LRRC4C: variants seen among roughly 807,000 people sequenced by gnomAD.
LRRC4C encodes leucine rich repeat containing 4C.
LRRC4C carries 5 observed loss-of-function variants against 33.6 expected under a neutral mutation model. That is an observed-to-expected ratio of 0.15 (90% CI 0.08 to 0.31). The LOEUF (loss-of-function observed/expected upper bound fraction) is 0.31. Among genes scored for constraint, LRRC4C ranks in the 10% least tolerant of loss-of-function variants. The pLI is 1.00. For synonymous variants in LRRC4C, 329 were observed against 302.0 expected, an observed-to-expected ratio of 1.09 and a Z score of -0.93; for missense variants, 560 against 796.7, an observed-to-expected ratio of 0.70 and a Z score of 3.58.
At chr11:40,442,968 T>TAGG (rs1355720570) in intron 3 of LRRC4C, among the ~76,000 whole-genome samples, 1 of 152,180 alleles carries the variant, frequency 6.6e-6, no homozygotes, top group Non-Finnish European at 1.5e-5. Context: ...GATGTAAATG[T>TAGG]AGGAGATAAG....
intron 4 of LRRC4C, among the ~76,000 whole-genome samples, chr11:40,318,268 T>TTTA (rs948357382): frequency 7.9e-5 from 12 of 151,962 alleles, no homozygotes; most frequent in Admixed American, 2.0e-4. Flanking sequence ...AATGGTCTAA[T>TTTA]TTATTATTAT....
intron 1 of LRRC4C, among the ~76,000 whole-genome samples, chr11:41,212,050 A>G (rs563207408): frequency 5.9e-5 from 9 of 152,236 alleles, no homozygotes; most frequent in African/African-American, 2.2e-4. Context: ...TTGTTTGTTT[A>G]GTTTATTTAA....
chr11:41,432,711 G>T (rs1032906480), intron 1 of LRRC4C, among the ~76,000 whole-genome samples: 1 of 151,918 alleles, frequency 6.6e-6, no homozygotes, highest in Admixed American at 6.6e-5. Context: ...CTGTCATCAT[G>T]GCCAGTGCTC....
intron 3 of LRRC4C, 97 bp from the exon 4 acceptor site, chr11:40,319,818 A>G (rs945214137): frequency 1.3e-5 from 2 of 152,164 alleles, no homozygotes; most frequent in South Asian, 2.1e-4. Flanking sequence ...CATTCCCTCA[A>G]TATAATTTAG....
chr11:40,211,729 A>C (rs1328122025), intron 5 of LRRC4C, among the ~76,000 whole-genome samples: 2 of 152,216 alleles, frequency 1.3e-5, no homozygotes, highest in Admixed American at 1.3e-4. Context: ...CCAAAATGTC[A>C]GGTAAACATT....
chr11:40,724,823 T>G (rs934407710), intron 2 of LRRC4C, among the ~76,000 whole-genome samples: 1 of 152,216 alleles, frequency 6.6e-6, no homozygotes, highest in African/African-American at 2.4e-5. Flanking sequence ...TTTGAGAGGA[T>G]AAACAAGGTT....
At chr11:40,227,489 T>C (rs1448563001) in intron 5 of LRRC4C, among the ~76,000 whole-genome samples, 1 of 152,176 alleles carries the variant, frequency 6.6e-6, no homozygotes, top group East Asian at 1.9e-4. Context: ...TGTATGTATC[T>C]GGTTCAAAAA....
At chr11:41,139,064 T>C (rs1164063897) in intron 1 of LRRC4C, among the ~76,000 whole-genome samples, 1 of 152,184 alleles carries the variant, frequency 6.6e-6, no homozygotes, top group African/African-American at 2.4e-5. Flanking sequence ...ATGGAACAGC[T>C]GCATTTATTA....
At chr11:41,136,975 C>T (rs901843792) in intron 1 of LRRC4C, among the ~76,000 whole-genome samples, 3 of 151,812 alleles carry the variant, frequency 2.0e-5, no homozygotes, top group Non-Finnish European at 2.9e-5. Context: ...AGGCTGGGTG[C>T]GGCAACTCAC....
chr11:40,434,589 T>C (rs979196861), intron 3 of LRRC4C, among the ~76,000 whole-genome samples: 1 of 152,214 alleles, frequency 6.6e-6, no homozygotes, highest in Non-Finnish European at 1.5e-5. Context: ...CCCATGATTT[T>C]CAACACAATC....
intron 1 of LRRC4C, among the ~76,000 whole-genome samples, chr11:41,040,031 G>A (rs551887889): frequency 9.2e-5 from 14 of 151,552 alleles, no homozygotes; most frequent in Non-Finnish European, 1.2e-4. Context: ...ACAGCTACTC[G>A]GGAGGCTGAG....
intron 4 of LRRC4C, among the ~76,000 whole-genome samples, chr11:40,267,439 C>A (rs1008874707): frequency 2.0e-5 from 3 of 152,154 alleles, no homozygotes; most frequent in African/African-American, 7.2e-5. Flanking sequence ...GCAAGCTCTG[C>A]CTCCCTGGTT....
intron 3 of LRRC4C, among the ~76,000 whole-genome samples, chr11:40,354,016 G>A (rs1229758918): frequency 6.6e-6 from 1 of 152,122 alleles, no homozygotes; most frequent in Non-Finnish European, 1.5e-5. Context: ...AGTATTCAAA[G>A]GTACTTGAGT....
intron 1 of LRRC4C, among the ~76,000 whole-genome samples, chr11:41,299,012 C>T (rs1446563994): frequency 6.6e-6 from 1 of 152,020 alleles, no homozygotes; most frequent in African/African-American, 2.4e-5. Context: ...TGTATATATA[C>T]CACATTTTCT....
intron 1 of LRRC4C, among the ~76,000 whole-genome samples, chr11:41,299,067 C>G (rs1014656478): frequency 6.6e-6 from 1 of 152,080 alleles, no homozygotes; most frequent in Non-Finnish European, 1.5e-5. Flanking sequence ...TCTTTGCTAT[C>G]GTGAATAGTG....
At chr11:41,214,735 G>T (rs1044907978) in intron 1 of LRRC4C, among the ~76,000 whole-genome samples, 13 of 147,338 alleles carry the variant, frequency 8.8e-5, no homozygotes, top group African/African-American at 3.0e-4. Flanking sequence ...GGGCGACAGA[G>T]CCAGACTCCA....
At chr11:40,240,082 A>G (rs1470288810) in intron 5 of LRRC4C, among the ~76,000 whole-genome samples, 1 of 152,200 alleles carries the variant, frequency 6.6e-6, no homozygotes, top group Non-Finnish European at 1.5e-5. Flanking sequence ...ATATTCTGGC[A>G]TCAATATTTC....
At chr11:40,603,892 C>T (rs1213689881) in intron 3 of LRRC4C, among the ~76,000 whole-genome samples, 3 of 152,106 alleles carry the variant, frequency 2.0e-5, no homozygotes, top group Non-Finnish European at 4.4e-5. Context: ...TTCCAAAAAT[C>T]TGGTAGAATA....
intron 3 of LRRC4C, among the ~76,000 whole-genome samples, chr11:40,591,839 A>G (rs1959073045): frequency 6.6e-6 from 1 of 152,240 alleles, no homozygotes; most frequent in Non-Finnish European, 1.5e-5. Flanking sequence ...ATGAATCAGA[A>G]GCATCCAACT....
Sources: allele counts gnomAD v4.1 joint callset (sites outside exome capture counted in the v4.1 genomes callset), GRCh38; gene constraint gnomAD v4.1.1; transcripts MANE v1.5; gene names NCBI Gene and HGNC (gene_info 2026-07-23, HGNC 2026-07-21).